DCDC2: variants seen among roughly 807,000 people sequenced by gnomAD.
The protein encoded by DCDC2 is doublecortin domain-containing protein 2.
A neutral mutation model predicts 50.2 loss-of-function variants in DCDC2; 40 were observed. That is an observed-to-expected ratio of 0.80 (90% CI 0.62 to 1.04). The LOEUF is 1.04. Among genes scored for constraint, DCDC2 ranks in the 50% least tolerant of loss-of-function variants. DCDC2 has a pLI of 0.00. For missense variants in DCDC2, 570 were observed against 581.9 expected, an observed-to-expected ratio of 0.98 and a Z score of 0.21; for synonymous variants, 234 against 210.6, an observed-to-expected ratio of 1.11 and a Z score of -0.96.
chr6:24,373,576 C>A, the DCDC2 span, among the ~76,000 whole-genome samples: 1 of 152,098 alleles, frequency 6.6e-6, no homozygotes, highest in Non-Finnish European at 1.5e-5. Flanking sequence ...GAGTAAGGAA[C>A]AGTTATAGAT....
intron 4 of DCDC2, among the ~76,000 whole-genome samples, chr6:24,297,142 G>A: frequency 6.6e-6 from 1 of 152,246 alleles, no homozygotes; most frequent in East Asian, 1.9e-4. Context: ...ATAAAAAAGG[G>A]TCAGATCATG....
intron 8 of DCDC2, 63 bp from the exon 9 acceptor site, chr6:24,178,695 A>G: frequency 7.0e-7 from 1 of 1,433,650 alleles, no homozygotes; most frequent in Non-Finnish European, 9.5e-7. Context: ...TCCACTGCAC[A>G]TCATAGTAAT....
intron 2 of DCDC2, among the ~76,000 whole-genome samples, chr6:24,314,072 C>G (rs992670507): frequency 1.3e-5 from 2 of 152,172 alleles, no homozygotes; most frequent in Admixed American, 6.5e-5. Flanking sequence ...AGGATGAGGG[C>G]ACTGCATTTC....
intron 9 of DCDC2, among the ~76,000 whole-genome samples, chr6:24,177,412 A>G (rs1760948861): frequency 6.6e-6 from 1 of 152,352 alleles, no homozygotes; most frequent in South Asian, 2.1e-4. Context: ...GATAAATCAG[A>G]TGCATCAATA....
chr6:24,177,220 T>G (rs1005417348), intron 9 of DCDC2, among the ~76,000 whole-genome samples: 1 of 152,220 alleles, frequency 6.6e-6, no homozygotes, highest in Non-Finnish European at 1.5e-5. Flanking sequence ...TCTTATAGAA[T>G]AGGACTATGA....
chr6:24,299,040 C>T (rs149529597), intron 4 of DCDC2, among the ~76,000 whole-genome samples: 3 of 152,310 alleles, frequency 2.0e-5, no homozygotes, highest in Non-Finnish European at 2.9e-5. Context: ...TGCACTGGTA[C>T]GTTCACTGCC....
At chr6:24,179,071 T>C (rs988330626) in intron 8 of DCDC2, among the ~76,000 whole-genome samples, 4 of 151,954 alleles carry the variant, frequency 2.6e-5, no homozygotes, top group Non-Finnish European at 5.9e-5. Context: ...TGTGGAAAGA[T>C]TGTCATCCTC....
chr6:24,294,861 G>A (rs1304232586), intron 4 of DCDC2, among the ~76,000 whole-genome samples: 2 of 152,100 alleles, frequency 1.3e-5, no homozygotes, highest in East Asian at 3.9e-4. Flanking sequence ...CCTCGGACCA[G>A]ACAGATTCAC....
At chr6:24,315,627 C>CA (rs989380272) in intron 2 of DCDC2, among the ~76,000 whole-genome samples, 1 of 151,858 alleles carries the variant, frequency 6.6e-6, no homozygotes, top group African/African-American at 2.4e-5. Flanking sequence ...TAGTGATACA[C>CA]AAAAAAATAA....
chr6:24,317,086 T>C (rs1759685075), intron 2 of DCDC2, among the ~76,000 whole-genome samples: 1 of 152,030 alleles, frequency 6.6e-6, no homozygotes, highest in African/African-American at 2.4e-5. Flanking sequence ...CATACATGCA[T>C]ACATCTGTAT....
intron 9 of DCDC2, among the ~76,000 whole-genome samples, chr6:24,175,511 G>C (rs1489489234): frequency 1.3e-5 from 2 of 152,166 alleles, no homozygotes; most frequent in East Asian, 3.8e-4. Context: ...CCAGTCTGGG[G>C]GACAGAGTAG....
At chr6:24,214,477 A>C (rs897037842) in intron 7 of DCDC2, among the ~76,000 whole-genome samples, 3 of 2,768 alleles carry the variant, frequency 1.1e-3, no homozygotes, top group Non-Finnish European at 0.029. Context: ...ATTATTTACA[A>C]TATGTATAAT....
rs1028864844 is a variant in DCDC2, at chr6:24,182,672, G to A, written c.1024-4040C>T. Among the ~76,000 whole-genome samples, 6 of 144,512 alleles carry A rather than the reference G, an allele frequency of 4.2e-5. No homozygotes were observed. In the South Asian group the frequency reaches 8.7e-4, roughly 21 times the overall value. 94.8% of individuals were successfully genotyped at this position (144,512 alleles called of 152,430 possible). On this transcript the variant is annotated intron_variant, in intron 8 of 9. Transcript: ENST00000378454. ...GAAGAAAACAAGCGTTGACAAGGAT[G>A]TGGAGAAACTGGAACTCCTGGGCAT... is the stretch of plus-strand genomic sequence containing the variant.
intron 2 of DCDC2, among the ~76,000 whole-genome samples, chr6:24,305,749 A>G (rs183490717): frequency 2.0e-3 from 302 of 152,230 alleles, no homozygotes; most frequent in Admixed American, 3.6e-3. Flanking sequence ...ACTTCAGGCC[A>G]GGTGCAGTGG....
intron 2 of DCDC2, among the ~76,000 whole-genome samples, chr6:24,320,693 T>C (rs1759758566): frequency 6.6e-6 from 1 of 152,120 alleles, no homozygotes; most frequent in South Asian, 2.1e-4. Context: ...ACAGAATAGA[T>C]ACAGAAATAA....
intron 4 of DCDC2, among the ~76,000 whole-genome samples, chr6:24,300,359 G>A (rs1282369137): frequency 6.6e-6 from 1 of 152,188 alleles, no homozygotes; most frequent in African/African-American, 2.4e-5. Context: ...TCCAGCCTGG[G>A]TGACACAGCG....
intron 7 of DCDC2, among the ~76,000 whole-genome samples, chr6:24,219,264 AATG>A (rs1431646336): frequency 2.6e-5 from 4 of 152,200 alleles, no homozygotes; most frequent in Non-Finnish European, 5.9e-5. Flanking sequence ...ATAAGTTAAT[AATG>A]ATGATGATGA....
At chr6:24,234,688 T>A (rs146356176) in intron 7 of DCDC2, among the ~76,000 whole-genome samples, 27 of 152,308 alleles carry the variant, frequency 1.8e-4, no homozygotes, top group Admixed American at 1.8e-3. Flanking sequence ...TGTCTAGATT[T>A]CAGGCATAAG....
chr6:24,236,901 TGG>T (rs1208949052), intron 7 of DCDC2, among the ~76,000 whole-genome samples: 6 of 151,762 alleles, frequency 4.0e-5, no homozygotes, highest in Non-Finnish European at 8.8e-5. Flanking sequence ...TCTGGCCACT[TGG>T]GGGGCTGAGG....
Sources: gnomAD v4.1 joint callset for allele counts (sites outside exome capture counted in the v4.1 genomes callset) on GRCh38, gnomAD v4.1.1 for gene constraint, MANE v1.5 for transcripts, NCBI Gene and HGNC (gene_info 2026-07-23, HGNC 2026-07-21) for gene names.